The following ERAP2 variants were observed in gnomAD, a reference collection of about 807,000 sequenced individuals.
ERAP2 encodes the protein leukocyte-derived arginine aminopeptidase.
ERAP2 carries 118 observed loss-of-function variants against 111.1 expected under a neutral mutation model. The ratio of observed to expected loss-of-function variants is 1.06; its 90% CI spans 0.92 to 1.24. The LOEUF is 1.24. Ranked by LOEUF, ERAP2 falls within the 50% of genes most tolerant of loss-of-function variation. The probability of loss-of-function intolerance (pLI) is 0.00; values close to 1 mark genes in which losing one functional copy is unlikely to be tolerated. For synonymous variants in ERAP2, 410 were observed against 401.2 expected (o/e 1.02, Z -0.26); for missense variants, 1,131 against 1,125.8 (o/e 1.00, Z -0.07).
chr5:96,917,525 C>A lies in ERAP2; in HGVS notation c.2803C>A (p.Leu935Met). Residue 935 changes from leucine (L) to methionine (M), a missense_variant, in exon 19 of 19, where the codon CTG becomes ATG. By Grantham distance (15) the Leu-to-Met change is conservative (BLOSUM62 2). Coordinates refer to ENST00000437043, the MANE Select transcript of ERAP2 (RefSeq NM_022350.5). The stretch of plus-strand genomic sequence containing the variant: ...ACATCTGGATATTTTTCAAACTGTT[C>A]TGGAAACGATAACCAAAAATATAAA... ...GSHLDIFQTV[L>M]ETITKNIKWL... 2 of 1,613,816 alleles carry A rather than the reference C, an allele frequency of 1.2e-6. No homozygotes were observed. Among genetic ancestry groups the A allele is most frequent in the Non-Finnish European group, 1.7e-6 (2 of 1,179,852 alleles).
At chr5:96,897,063 GCTCA>G (rs1001670065) in intron 9 of ERAP2, among the ~76,000 whole-genome samples, 200 bp downstream of exon 9, 4 of 103,700 alleles carry the variant, frequency 3.9e-5, no homozygotes, top group Admixed American at 1.1e-4. Context: ...GGCCCCAGGG[GCTCA>G]CTATTTGACC....
intron 5 of ERAP2, 96 bp downstream of exon 5, chr5:96,889,401 C>T (rs768576483): frequency 7.4e-7 from 1 of 1,352,382 alleles, no homozygotes; most frequent in Admixed American, 1.7e-5. Context: ...TAAATGAGCA[C>T]TGAGGAATTC....
chr5:96,902,338 CT>C lies in ERAP2; in HGVS notation c.1814del (p.Leu605GlnfsTer17). ...TTCTAATGTGATCCACAGACACATT[CT>C]AAAATCAAAGACAGGTAATGAACTA... ...SSSNVIHRHI[L>X]KSKTDTLDLP... is the part of the protein sequence containing the mutation. On this transcript the variant is annotated frameshift_variant, in exon 12 of 19. Transcript: ENST00000437043. LOFTEE classifies it high-confidence loss of function. The C allele has an allele frequency of 6.2e-7, 1 of 1,609,248 alleles. No homozygotes were observed. The highest frequency in any genetic ancestry group is 8.5e-7 in the Non-Finnish European group (1 of 1,175,844).
rs1163364704 is a variant in ERAP2 at position 96,917,565 on chromosome 5, A to C, written c.2843A>C (p.Asn948Thr). Residue 948 changes from asparagine (N) to threonine (T), a missense_variant, in exon 19 of 19, where the codon AAT becomes ACT. Asn to Thr is a moderately conservative substitution (Grantham distance 65, BLOSUM62 0). Coordinates refer to ENST00000437043, the MANE Select transcript of ERAP2 (RefSeq NM_022350.5). ...AAAAATATAAAATGGCTGGAGAAGA[A>C]TCTTCCGACTCTGAGGACTTGGCTA... ...ITKNIKWLEK[N>T]LPTLRTWLMV... The C allele has an allele frequency of 6.2e-7, 1 of 1,613,752 alleles. No individual in the cohort carries two copies. Among genetic ancestry groups the C allele is most frequent in the African/African-American group, 1.3e-5 (1 of 74,920 alleles).
chr5:96,902,781 T>C (rs1785613098), intron 12 of ERAP2: 1 of 157,530 alleles, frequency 6.3e-6, no homozygotes. Flanking sequence ...TGAGCTTCAA[T>C]TTTTTCATCT....
intron 3 of ERAP2, among the ~76,000 whole-genome samples, chr5:96,886,152 T>C (rs1783689159): frequency 6.6e-6 from 1 of 152,212 alleles, no homozygotes. Context: ...CTCTGTTTCC[T>C]CACCTGAGAA....
Position 96,895,175 on chromosome 5 carries a change from T to C in ERAP2, c.1126-71T>C, listed in dbSNP as rs532899149. On this transcript the variant is annotated intron_variant, in intron 6 of 18. Transcript: ENST00000437043. The stretch of plus-strand genomic sequence containing the variant: ...CTAATAAAAAAAAAGTTAGTAACTA[T>C]TGTATTTTTTGCTAAAGTTAATAAT... The C allele has an allele frequency of 4.0e-4, 331 of 831,364 alleles. 1 individual carries two copies. Among genetic ancestry groups the C allele is most frequent in the South Asian group, 9.5e-4 (59 of 62,106 alleles). The allele number at this position is 831,364 out of a possible 1,614,324, so 51.5% of individuals were successfully genotyped here. A position where few individuals can be genotyped will look rare whatever the true frequency, so the allele number is the denominator to read the frequency against.
chr5:96,912,934 G>A (rs746132053), intron 16 of ERAP2, 136 bp downstream of exon 16: 103 of 689,606 alleles, frequency 1.5e-4, no homozygotes, highest in Non-Finnish European at 2.2e-4. Context: ...TTTACTTTCA[G>A]AAAAGAATAT....
At chr5:96,910,173 G>A (rs1374234753) in intron 15 of ERAP2, 1 of 160,570 alleles carries the variant, frequency 6.2e-6, no homozygotes, top group African/African-American at 2.4e-5. Context: ...GCTGAGGTGG[G>A]AGAATTGCTT....
chr5:96,902,201 G>A, intron 11 of ERAP2, 73 bp from the exon 12 acceptor site: 1 of 1,048,934 alleles, frequency 9.5e-7, no homozygotes, highest in Non-Finnish European at 1.5e-6. Flanking sequence ...TTTACAGTCT[G>A]TCTGAGTCTG....
At chr5:96,891,367 ATGTG>A (rs72107567) in intron 5 of ERAP2, among the ~76,000 whole-genome samples, 1 of 146,042 alleles carries the variant, frequency 6.8e-6, no homozygotes, top group Non-Finnish European at 1.5e-5. Context: ...GTATATATAT[ATGTG>A]TATATATATA....
At chr5:96,891,210 ATC>A (rs1784312161) in intron 5 of ERAP2, among the ~76,000 whole-genome samples, 1 of 152,130 alleles carries the variant, frequency 6.6e-6, no homozygotes, top group Non-Finnish European at 1.5e-5. Flanking sequence ...TTAAAAAATT[ATC>A]TTTTTTTCCA....
In ERAP2 at chr5:96,914,148, T is replaced by TCTCACACACA. The variant is rs34158080; in HGVS notation, c.2657+692_2657+693insTCACACACAC. On this transcript the variant is annotated intron_variant, in intron 17 of 18. Transcript: ENST00000437043. ...CTTTCTGTCTCTCTCTCTCTCTCTC[T>TCTCACACACA]CACACACACACACACACACAATCAC... is the stretch of plus-strand genomic sequence containing the variant. Among the ~76,000 whole-genome samples, 375 of 148,074 alleles carry TCTCACACACA rather than the reference T, an allele frequency of 2.5e-3. 5 individuals are homozygous for TCTCACACACA. The highest frequency in any genetic ancestry group is 0.022 in the Admixed American group (324 of 14,846).
Position 96,886,719 on chromosome 5 carries a change from G to T in ERAP2, c.779G>T (p.Ser260Ile), listed in dbSNP as rs766266979. The T allele has an allele frequency of 1.7e-5, 27 of 1,554,222 alleles. No homozygotes were observed. Among genetic ancestry groups the T allele is most frequent in the Non-Finnish European group, 2.2e-5 (25 of 1,139,090 alleles). ...CACTTTGAAACTACTGTAAAAATGA[G>T]TACATACCTTGTAGCCTACATAGTT... ...EDHFETTVKM[S>I]TYLVAYIVCD... Residue 260 changes from serine (S) to isoleucine (I), a missense_variant, in exon 4 of 19, where the codon AGT (serine) becomes ATT (isoleucine). Physicochemically the swap from Ser to Ile is moderately radical, Grantham distance 142 (BLOSUM62 -2). Coordinates refer to ENST00000437043, the MANE Select transcript of ERAP2 (RefSeq NM_022350.5).
At position 96,913,478 on chromosome 5, in the gene ERAP2, A is replaced by G. The variant is rs777530791; in HGVS notation, c.2657+21A>G. On this transcript the variant is annotated intron_variant, in intron 17 of 18. Coordinates refer to ENST00000437043, the MANE Select transcript of ERAP2 (RefSeq NM_022350.5). ...AAAAAGTTGGTATTCATTTTCATCC[A>G]ATGTTTGTTCTTCCATGCAGATGTC... 4.3e-6 allele frequency: 7 copies of G among 1,612,992 alleles called. No individual in the cohort carries two copies. In the African/African-American group the frequency reaches 6.7e-5, roughly 15 times the overall value.
rs1554061288 is a variant in ERAP2, at chr5:96,914,148, T to TCACACACACACACACACACACACA, written c.2657+711_2657+712insCACACACACACACACACACACACA. Among the ~76,000 whole-genome samples the TCACACACACACACACACACACACA allele has an allele frequency of 3.8e-4, 57 of 148,076 alleles. 1 individual carries two copies. In the East Asian group the frequency reaches 6.0e-3, roughly 16 times the overall value. On this transcript the variant is annotated intron_variant, in intron 17 of 18. Transcript: ENST00000437043. Reference sequence around the variant, plus strand: ...CTTTCTGTCTCTCTCTCTCTCTCTCTCACACACACACACACACACAATCAC... The same window carrying TCACACACACACACACACACACACA: ...CTTTCTGTCTCTCTCTCTCTCTCTCTCACACACACACACACACACACACACACACACACACACACACACAATCAC...
Position 96,909,705 on chromosome 5 carries a change from T to G in ERAP2, c.2295T>G (p.Pro765=). 1 of 1,614,188 alleles carries G rather than the reference T, an allele frequency of 6.2e-7. No homozygotes were observed. The highest frequency in any genetic ancestry group is 1.3e-5 in the African/African-American group (1 of 75,054). ...LKLACDLNHA[P]CIQKAAELFS... ...TGGCCTGTGACCTGAACCATGCTCC[T>G]TGCATCCAGAAAGCTGCTGAACTCT... is the stretch of plus-strand genomic sequence containing the variant. Residue 765 remains proline, a synonymous_variant, in exon 15 of 19, where the codon CCT becomes CCG. Coordinates refer to ENST00000437043, the MANE Select transcript of ERAP2 (RefSeq NM_022350.5).
chr5:96,912,572 T>C (rs1786915767), intron 15 of ERAP2, 65 bp from the exon 16 acceptor site: 1 of 1,296,876 alleles, frequency 7.7e-7, no homozygotes, highest in Non-Finnish European at 1.1e-6. Flanking sequence ...GGACTTAAAA[T>C]TGTCATAAGA....
chr5:96,899,601 T>C (rs1785236689), intron 9 of ERAP2, among the ~76,000 whole-genome samples: 1 of 152,236 alleles, frequency 6.6e-6, no homozygotes, highest in Non-Finnish European at 1.5e-5. Context: ...AATTCTTATT[T>C]TATTCCCAGT....
Sources: gnomAD v4.1 joint callset for allele counts (sites outside exome capture counted in the v4.1 genomes callset) on GRCh38, gnomAD v4.1.1 for gene constraint, MANE v1.5 for transcripts, NCBI Gene and HGNC (gene_info 2026-07-23, HGNC 2026-07-21) for gene names.